PDZD2: variants seen among roughly 807,000 people sequenced by gnomAD.
PDZD2 encodes the protein PDZ domain-containing protein 2.
Under a neutral mutation model 220.7 loss-of-function variants are expected in PDZD2, and 90 were observed. The observed-to-expected ratio is 0.41, with a 90% confidence interval of 0.34 to 0.49. The LOEUF (loss-of-function observed/expected upper bound fraction) is 0.49, where lower values mean the gene tolerates loss of function less well. PDZD2 is among the 20% of genes least tolerant of loss of function. The probability of loss-of-function intolerance (pLI) is 0.28; values close to 1 mark genes in which losing one functional copy is unlikely to be tolerated. For synonymous variants in PDZD2, 1,375 were observed against 1,450.5 expected (o/e 0.95, Z 1.18); for missense variants, 3,174 against 3,608.5 (o/e 0.88, Z 3.08).
chr5:31,976,996 G>A (rs1210601585), intron 2 of PDZD2, among the ~76,000 whole-genome samples: 5 of 150,434 alleles, frequency 3.3e-5, no homozygotes, highest in East Asian at 3.9e-4. Context: ...AATTACATGC[G>A]TGAGCCAACG....
chr5:31,865,539 T>C (rs1284832595), intron 2 of PDZD2, among the ~76,000 whole-genome samples: 1 of 149,322 alleles, frequency 6.7e-6, no homozygotes, highest in Non-Finnish European at 1.5e-5. Context: ...CATGAACTCC[T>C]AGGCTCAAAC....
At chr5:32,037,778 T>A (rs1371139127) in intron 7 of PDZD2, among the ~76,000 whole-genome samples, 1 of 152,126 alleles carries the variant, frequency 6.6e-6, no homozygotes, top group East Asian at 1.9e-4. Flanking sequence ...AGAGAGAAAG[T>A]CAGCATTGAA....
intron 2 of PDZD2, among the ~76,000 whole-genome samples, chr5:31,981,710 G>A (rs1750310247): frequency 6.6e-6 from 1 of 152,184 alleles, no homozygotes; most frequent in Non-Finnish European, 1.5e-5. Flanking sequence ...GCTTGGGAAC[G>A]AGTGATGTGT....
intron 1 of PDZD2, among the ~76,000 whole-genome samples, chr5:31,682,838 T>A (rs984947484): frequency 6.6e-6 from 1 of 151,970 alleles, no homozygotes; most frequent in Non-Finnish European, 1.5e-5. Flanking sequence ...ACCTTTTGTA[T>A]CCTCCACCCC....
rs192855760 is a variant in PDZD2, at chr5:31,790,387, C to T, written c.-360-8502C>T. On this transcript the variant is annotated intron_variant, in intron 1 of 24. Transcript: ENST00000438447. ...TGCTGGGATTACAGGCGTGAGCCAC[C>T]GCTCCTGGCCCCGGGAGGTCATTCT... Among the ~76,000 whole-genome samples, 29 of 152,298 alleles carry T rather than the reference C, an allele frequency of 1.9e-4. No homozygotes were observed. In the East Asian group the frequency reaches 3.7e-3, roughly 19 times the overall value.
chr5:31,983,223 A>G lies in PDZD2; in HGVS notation c.545A>G (p.Lys182Arg). ...YLIMLRRFKH[K>R]AHSTYNGNSS... The stretch of plus-strand genomic sequence containing the variant: ...ATCATGCTGCGTCGCTTTAAGCACA[A>G]AGCCCACTCCACTTATAATGGCAAC... Residue 182 changes from lysine (K) to arginine (R), a missense_variant, in exon 3 of 25, where the codon AAA (lysine) becomes AGA (arginine). Lys to Arg is a conservative substitution (Grantham distance 26). Transcript: ENST00000438447. The G allele has an allele frequency of 6.2e-7, 1 of 1,614,202 alleles. No individual in the cohort carries two copies. Among genetic ancestry groups the G allele is most frequent in the Non-Finnish European group, 8.5e-7 (1 of 1,180,026 alleles).
At position 31,911,889 on chromosome 5, in the gene PDZD2, T is replaced by G. The variant is rs938735659; in HGVS notation, c.477-71266T>G. ...TGCCGCCTCTGTCACTCACACTGCATCCAGGTTATACTGGGATGCTTCTGA... is the reference window on the plus strand; with the variant it reads ...TGCCGCCTCTGTCACTCACACTGCAGCCAGGTTATACTGGGATGCTTCTGA... On this transcript the variant is annotated intron_variant, in intron 2 of 24. Transcript: ENST00000438447. 9.3e-4 allele frequency among the ~76,000 whole-genome samples: 141 copies of G among 152,308 alleles called. 1 individual carries two copies. Among genetic ancestry groups the G allele is most frequent in the African/African-American group, 3.2e-3 (135 of 41,576 alleles).
intron 1 of PDZD2, among the ~76,000 whole-genome samples, chr5:31,721,516 C>CTTTTTT (rs752973527): frequency 1.7e-5 from 2 of 120,342 alleles, no homozygotes; most frequent in African/African-American, 6.0e-5. Flanking sequence ...ATAACTGCCT[C>CTTTTTT]TTTTTTTTTT....
intron 2 of PDZD2, among the ~76,000 whole-genome samples, chr5:31,853,198 T>TA (rs1456477601): frequency 6.6e-6 from 1 of 152,206 alleles, no homozygotes; most frequent in African/African-American, 2.4e-5. Flanking sequence ...CACTTTGTGT[T>TA]AGAGAATTCT....
chr5:31,967,905 G>C (rs781059294), intron 2 of PDZD2, among the ~76,000 whole-genome samples: 1 of 152,220 alleles, frequency 6.6e-6, no homozygotes, highest in Non-Finnish European at 1.5e-5. Context: ...CAAGAAAGTA[G>C]AGAGATTTGG....
chr5:31,710,704 C>G (rs772205168), intron 1 of PDZD2, among the ~76,000 whole-genome samples: 14 of 151,910 alleles, frequency 9.2e-5, no homozygotes, highest in Non-Finnish European at 1.3e-4. Context: ...GTAATCCTAG[C>G]TACTCAGAGG....
intron 1 of PDZD2, among the ~76,000 whole-genome samples, chr5:31,727,160 C>T (rs1464152408): frequency 6.6e-6 from 1 of 152,180 alleles, no homozygotes; most frequent in Non-Finnish European, 1.5e-5. Context: ...ACCTCCAGCG[C>T]TGGGGATTAC....
At chr5:31,864,911 T>C (rs1481277216) in intron 2 of PDZD2, among the ~76,000 whole-genome samples, 4 of 131,810 alleles carry the variant, frequency 3.0e-5, no homozygotes, top group African/African-American at 1.2e-4. Context: ...TGCAGTGGCG[T>C]AATCTCGGCT....
chr5:31,820,335 G>A (rs892380751), intron 2 of PDZD2, among the ~76,000 whole-genome samples: 5 of 152,182 alleles, frequency 3.3e-5, no homozygotes, highest in African/African-American at 1.2e-4. Flanking sequence ...AGGGACCATG[G>A]CAAACGAAAA....
chr5:31,799,371 G>A lies in PDZD2; in HGVS notation c.123G>A (p.Lys41=), dbSNP rs778890133. 1 of 1,614,212 alleles carries A rather than the reference G, an allele frequency of 6.2e-7. No individual in the cohort carries two copies. Among genetic ancestry groups the A allele is most frequent in the Non-Finnish European group, 8.5e-7 (1 of 1,180,032 alleles). The stretch of plus-strand genomic sequence containing the variant: ...GGCTCTGCCAGGCGGCCATCCAGAA[G>A]CTGCAGGAGTACATCCAGCTGAACT... ...EQRLCQAAIQ[K]LQEYIQLNFA... The change falls in exon 2 of 25, where the codon AAG becomes AAA. Residue 41 remains lysine, a synonymous_variant. Transcript: ENST00000438447.
chr5:31,889,884 G>T (rs141918660), intron 2 of PDZD2, among the ~76,000 whole-genome samples: 1,724 of 152,062 alleles, frequency 0.011, 36 homozygotes, highest in African/African-American at 0.04. Flanking sequence ...AGCCGGGTGT[G>T]GTAGTGCACA....
At chr5:31,982,993 A>T (rs1750418640) in intron 2 of PDZD2, among the ~76,000 whole-genome samples, 162 bp from the exon 3 acceptor site, 1 of 152,096 alleles carries the variant, frequency 6.6e-6, no homozygotes. Context: ...TATTACATAG[A>T]TGAAAAGAAT....
intron 1 of PDZD2, among the ~76,000 whole-genome samples, chr5:31,732,106 C>T (rs1749567189): frequency 1.3e-5 from 2 of 152,320 alleles, no homozygotes; most frequent in South Asian, 4.1e-4. Flanking sequence ...ATGCGTAATT[C>T]TGGAGCAGAG....
chr5:31,648,193 C>T (rs1274908978), intron 1 of PDZD2, among the ~76,000 whole-genome samples: 2 of 152,152 alleles, frequency 1.3e-5, no homozygotes, highest in Non-Finnish European at 2.9e-5. Flanking sequence ...GCATTGCCTA[C>T]CATTTATGCA....
Sources: gnomAD v4.1 joint callset for allele counts (sites outside exome capture counted in the v4.1 genomes callset) on GRCh38, gnomAD v4.1.1 for gene constraint, MANE v1.5 for transcripts, NCBI Gene and HGNC (gene_info 2026-07-23, HGNC 2026-07-21) for gene names.